ZFHX3: variants seen among roughly 807,000 people sequenced by gnomAD.
ZFHX3 encodes the protein zinc finger homeobox protein 3.
Under a neutral mutation model 279.1 loss-of-function variants are expected in ZFHX3, and 42 were observed. That is an observed-to-expected ratio of 0.15 (90% CI 0.12 to 0.19). The LOEUF (loss-of-function observed/expected upper bound fraction) is 0.19, where lower values mean the gene tolerates loss of function less well. Ranked by LOEUF, ZFHX3 falls within the 10% of genes least tolerant of loss-of-function variation. The pLI, the probability that ZFHX3 is intolerant of heterozygous loss-of-function variation, is 1.00. For missense variants in ZFHX3, 4,981 were observed against 4,754.0 expected, an observed-to-expected ratio of 1.05 and a Z score of -1.40; for synonymous variants, 2,293 against 1,957.8, an observed-to-expected ratio of 1.17 and a Z score of -4.52.
chr16:73,416,868 C>T (rs909743537), intron 3 of ZFHX3, among the ~76,000 whole-genome samples: 5 of 151,742 alleles, frequency 3.3e-5, no homozygotes, highest in African/African-American at 7.3e-5. Flanking sequence ...AGCGAGACTC[C>T]GTCTCAAACA....
chr16:73,258,168 C>T (rs2013712109), intron 4 of ZFHX3, among the ~76,000 whole-genome samples: 1 of 152,096 alleles, frequency 6.6e-6, no homozygotes, highest in Non-Finnish European at 1.5e-5. Flanking sequence ...TTGACACCAG[C>T]TTTTCAAACA....
intron 5 of ZFHX3, among the ~76,000 whole-genome samples, chr16:73,197,306 G>A (rs1218652939): frequency 6.6e-6 from 1 of 152,174 alleles, no homozygotes; most frequent in African/African-American, 2.4e-5. Context: ...TGGAGGAGGT[G>A]GGTATTGCTA....
intron 4 of ZFHX3, among the ~76,000 whole-genome samples, chr16:73,284,946 T>C (rs909229156): frequency 2.0e-5 from 3 of 152,152 alleles, no homozygotes; most frequent in African/African-American, 7.2e-5. Context: ...GCTCAATGGA[T>C]CCTCCTGTCT....
intron 2 of ZFHX3, among the ~76,000 whole-genome samples, chr16:73,459,992 C>G (rs1415008820): frequency 6.6e-6 from 1 of 152,146 alleles, no homozygotes; most frequent in Non-Finnish European, 1.5e-5. Flanking sequence ...CATATCACCT[C>G]CAATGATAAT....
intron 3 of ZFHX3, among the ~76,000 whole-genome samples, chr16:73,382,107 T>A (rs986939801): frequency 6.6e-6 from 1 of 152,188 alleles, no homozygotes; most frequent in African/African-American, 2.4e-5. Flanking sequence ...TAGTCCCCCA[T>A]TTCTGACCAA....
intron 3 of ZFHX3, among the ~76,000 whole-genome samples, chr16:73,428,832 T>C (rs2017858672): frequency 6.6e-6 from 1 of 152,158 alleles, no homozygotes; most frequent in East Asian, 1.9e-4. Flanking sequence ...TCTATAAGGA[T>C]CTGAAGACAG....
At chr16:73,712,786 G>A (rs74028437) in intron 1 of ZFHX3, among the ~76,000 whole-genome samples, 6,955 of 152,260 alleles carry the variant, frequency 0.046, 554 homozygotes, top group African/African-American at 0.16. Context: ...ACCGTAAGAG[G>A]GGGGATATAT....
chr16:73,541,435 G>A (rs765089621), intron 2 of ZFHX3, among the ~76,000 whole-genome samples: 4 of 152,008 alleles, frequency 2.6e-5, no homozygotes, highest in Non-Finnish European at 5.9e-5. Context: ...ACAGTGAGCT[G>A]TGATCACAGC....
chr16:73,319,399 G>A (rs2015526014), intron 3 of ZFHX3, among the ~76,000 whole-genome samples: 1 of 152,004 alleles, frequency 6.6e-6, no homozygotes, highest in Non-Finnish European at 1.5e-5. Context: ...TAGGGGATAG[G>A]GAAGGAGAAT....
At chr16:73,218,954 C>G (rs2012308395) in intron 5 of ZFHX3, among the ~76,000 whole-genome samples, 1 of 152,156 alleles carries the variant, frequency 6.6e-6, no homozygotes, top group South Asian at 2.1e-4. Flanking sequence ...TCTCCCATTT[C>G]CTCTTCCCCC....
At chr16:73,104,728 G>A (rs959877279) in intron 7 of ZFHX3, among the ~76,000 whole-genome samples, 17 of 152,148 alleles carry the variant, frequency 1.1e-4, no homozygotes, top group Non-Finnish European at 2.4e-4. Context: ...TCAGGTATAG[G>A]CCTGATCCTG....
intron 1 of ZFHX3, among the ~76,000 whole-genome samples, chr16:73,724,924 G>C (rs2053505390): frequency 6.6e-6 from 1 of 151,978 alleles, no homozygotes; most frequent in Non-Finnish European, 1.5e-5. Context: ...TCCTTGCCTG[G>C]GCCTTCTCCC....
intron 3 of ZFHX3, among the ~76,000 whole-genome samples, chr16:72,907,545 T>TGTGTGTGTGTGTGTG (rs2039208549): frequency 1.0e-4 from 12 of 120,404 alleles, no homozygotes; most frequent in Admixed American, 1.8e-4. Context: ...TTTCCTCTAT[T>TGTGTGTGTGTGTGTG]TGTGTGTGTG....
intron 2 of ZFHX3, among the ~76,000 whole-genome samples, chr16:73,604,761 C>T (rs1432386383): frequency 1.4e-5 from 2 of 145,370 alleles, no homozygotes; most frequent in Admixed American, 1.4e-4. Flanking sequence ...AAAAAAAAAT[C>T]TCCCATGATC....
chr16:73,140,035 C>T (rs1202763832), intron 6 of ZFHX3, among the ~76,000 whole-genome samples: 2 of 151,880 alleles, frequency 1.3e-5, no homozygotes, highest in Non-Finnish European at 2.9e-5. Context: ...TGGGAGGCCA[C>T]GGTGGGAGAA....
intron 1 of ZFHX3, among the ~76,000 whole-genome samples, chr16:73,798,078 A>T (rs1597120303): frequency 6.6e-6 from 1 of 151,904 alleles, no homozygotes; most frequent in South Asian, 2.1e-4. Flanking sequence ...CAAAGTGCTG[A>T]GATTATATAC....
chr16:72,955,796 C>A (rs891471884), intron 2 of ZFHX3, among the ~76,000 whole-genome samples: 2 of 92,830 alleles, frequency 2.2e-5, no homozygotes, highest in Non-Finnish European at 2.4e-5. Flanking sequence ...AAAAAAAAAA[C>A]CCTCACTTTG....
Position 72,796,331 on chromosome 16 carries a change from C to T in ZFHX3, c.6351G>A (p.Gln2117=), listed in dbSNP as rs752404170. 6.2e-7 allele frequency: 1 copy of T among 1,614,054 alleles called. No individual in the cohort carries two copies. The highest frequency in any genetic ancestry group is 8.5e-7 in the Non-Finnish European group (1 of 1,180,006). ...LQTLPAQLPP[Q]LGPVEPLPAD... ...CAGGCAGAGGCTCCACAGGTCCCAG[C>T]TGCGGGGGTAGCTGAGCCGGCAAGG... is the stretch of plus-strand genomic sequence containing the variant. Residue 2117 remains glutamine, a synonymous_variant, in exon 9 of 10, where the codon CAG becomes CAA. Transcript: ENST00000268489.
intron 3 of ZFHX3, among the ~76,000 whole-genome samples, chr16:73,348,411 C>T (rs933422957): frequency 4.6e-5 from 7 of 152,168 alleles, no homozygotes; most frequent in African/African-American, 1.4e-4. Flanking sequence ...CTCCTCCCAG[C>T]CCCCCAACCC....
Sources: allele counts gnomAD v4.1 joint callset (sites outside exome capture counted in the v4.1 genomes callset), GRCh38; gene constraint gnomAD v4.1.1; transcripts MANE v1.5; gene names NCBI Gene and HGNC (gene_info 2026-07-23, HGNC 2026-07-21).